Variants in GRM8 observed in about 807,000 individuals in gnomAD.
GRM8 encodes the protein glutamate metabotropic receptor 8.
In GRM8, 47 loss-of-function variants were observed where a neutral mutation model predicts 87.2. The ratio of observed to expected loss-of-function variants is 0.54; its 90% CI spans 0.43 to 0.69. The LOEUF (loss-of-function observed/expected upper bound fraction) is 0.69, where lower values mean the gene tolerates loss of function less well. Among genes scored for constraint, GRM8 ranks in the 30% least tolerant of loss-of-function variants. The pLI is 0.00. For synonymous variants in GRM8, 396 were observed against 404.5 expected (o/e 0.98, Z 0.25); for missense variants, 1,019 against 1,139.2 (o/e 0.89, Z 1.52).
intron 3 of GRM8, among the ~76,000 whole-genome samples, chr7:127,091,260 C>T (rs1296914482): frequency 2.0e-5 from 3 of 152,006 alleles, no homozygotes; most frequent in Non-Finnish European, 2.9e-5. Flanking sequence ...CACAGCAGGA[C>T]AATTCCTGTC....
At chr7:126,854,931 T>TG (rs932268937) in intron 6 of GRM8, among the ~76,000 whole-genome samples, 2 of 152,184 alleles carry the variant, frequency 1.3e-5, no homozygotes, top group African/African-American at 4.8e-5. Flanking sequence ...TTCTTTCTCT[T>TG]GTCTGATTGC....
Position 126,811,688 on chromosome 7 carries a change from T to C in GRM8, c.1157-41623A>G, listed in dbSNP as rs1014019385. On this transcript the variant is annotated intron_variant, in intron 6 of 10. Transcript: ENST00000339582. ...TAGATGATTATTGGTGTATACAAAGTTTACTTATTTTTATTTGTTGATTTT... is the reference window on the plus strand; with the variant it reads ...TAGATGATTATTGGTGTATACAAAGCTTACTTATTTTTATTTGTTGATTTT... Among the ~76,000 whole-genome samples, 12 of 152,104 alleles carry C rather than the reference T, an allele frequency of 7.9e-5. 1 individual carries two copies. Among genetic ancestry groups the C allele is most frequent in the African/African-American group, 2.4e-4 (10 of 41,520 alleles).
At chr7:126,965,457 C>A (rs1011527009) in intron 3 of GRM8, among the ~76,000 whole-genome samples, 8 of 152,204 alleles carry the variant, frequency 5.3e-5, no homozygotes, top group Admixed American at 3.3e-4. Flanking sequence ...TCTGCAATAG[C>A]AATCTGATAC....
chr7:127,134,737 CAA>C (rs1410748016), intron 2 of GRM8, among the ~76,000 whole-genome samples: 1 of 151,912 alleles, frequency 6.6e-6, no homozygotes, highest in African/African-American at 2.4e-5. Flanking sequence ...TTCTTATATA[CAA>C]AAAAAGTTAA....
intron 2 of GRM8, among the ~76,000 whole-genome samples, chr7:127,198,102 G>A (rs1795388747): frequency 6.6e-6 from 1 of 151,882 alleles, no homozygotes; most frequent in South Asian, 2.1e-4. Context: ...TGATATAATT[G>A]TACAAATTTG....
intron 7 of GRM8, among the ~76,000 whole-genome samples, chr7:126,676,885 A>G (rs1458742729): frequency 6.6e-6 from 1 of 152,180 alleles, no homozygotes; most frequent in Non-Finnish European, 1.5e-5. Context: ...AATTAAACTA[A>G]ACAGCTTCTG....
At position 126,903,775 on chromosome 7, in the gene GRM8, G is replaced by GTATATATATA. The variant is rs544721638; in HGVS notation, c.1018+187_1018+196dup. ...TATGTGTATATATATATGTGTGTGT[G>GTATATATATA]TATATATATATATATATATATATAT... On this transcript the variant is annotated intron_variant, in intron 5 of 10. Transcript: ENST00000339582. Among the ~76,000 whole-genome samples, 27 of 87,670 alleles carry GTATATATATA rather than the reference G, an allele frequency of 3.1e-4. 2 individuals carry two copies. Among genetic ancestry groups the GTATATATATA allele is most frequent in the African/African-American group, 1.1e-3 (24 of 22,688 alleles). The allele number at this position is 87,670 out of a possible 152,430, so 57.5% of individuals were successfully genotyped here. A position where few individuals can be genotyped will look rare whatever the true frequency, so the allele number is the denominator to read the frequency against.
chr7:127,090,887 C>T (rs1241764348), intron 3 of GRM8: 5 of 152,352 alleles, frequency 3.3e-5, no homozygotes, highest in African/African-American at 1.2e-4. Context: ...TTCCTGATGT[C>T]CTGTCTCCAG....
rs541039198 is a variant in GRM8, at chr7:126,553,684, G to T, written c.1495-19797C>A. 2.0e-5 allele frequency among the ~76,000 whole-genome samples: 3 copies of T among 152,212 alleles called. No homozygotes were observed. The South Asian group carries it at 6.2e-4, about 32-fold the overall frequency. On this transcript the variant is annotated intron_variant, in intron 8 of 10. Coordinates refer to ENST00000339582, the MANE Select transcript of GRM8 (RefSeq NM_000845.3). ...TGGTAGTAATCTGAACTTAGACTCA[G>T]ATATTGAATGCTTAGAGGCTAACCT...
intron 2 of GRM8, among the ~76,000 whole-genome samples, chr7:127,139,618 C>T (rs1828146147): frequency 6.6e-6 from 1 of 152,076 alleles, no homozygotes; most frequent in African/African-American, 2.4e-5. Context: ...TCAAGATAAT[C>T]ATCAATCTCT....
intron 6 of GRM8, among the ~76,000 whole-genome samples, chr7:126,851,836 C>T (rs1200441666): frequency 6.6e-6 from 1 of 152,160 alleles, no homozygotes. Flanking sequence ...TTAGCACTTA[C>T]ATTACTCTCT....
chr7:126,985,987 G>A (rs1563382853), intron 3 of GRM8, among the ~76,000 whole-genome samples: 1 of 151,954 alleles, frequency 6.6e-6, no homozygotes, highest in Non-Finnish European at 1.5e-5. Context: ...TTTCATGAGG[G>A]TTAAATGTAT....
intron 3 of GRM8, among the ~76,000 whole-genome samples, chr7:127,005,370 C>G (rs1391228222): frequency 1.3e-5 from 2 of 151,242 alleles, no homozygotes; most frequent in Non-Finnish European, 3.0e-5. Flanking sequence ...ATGTCAATTC[C>G]CTGAAAACAC....
intron 2 of GRM8, among the ~76,000 whole-genome samples, chr7:127,139,469 T>C (rs1278976164): frequency 6.6e-6 from 1 of 152,136 alleles, no homozygotes; most frequent in Admixed American, 6.5e-5. Flanking sequence ...GCAAACTGCC[T>C]CATAATCAAG....
intron 2 of GRM8, among the ~76,000 whole-genome samples, chr7:127,148,174 A>G (rs1190704175): frequency 1.3e-5 from 2 of 152,004 alleles, no homozygotes; most frequent in South Asian, 2.1e-4. Flanking sequence ...AATGGGTGCA[A>G]CAGAGTCGAT....
chr7:126,948,766 C>T (rs976178397), intron 3 of GRM8, among the ~76,000 whole-genome samples: 2 of 152,290 alleles, frequency 1.3e-5, no homozygotes, highest in East Asian at 3.9e-4. Flanking sequence ...TGTAGACACT[C>T]GGGATTCTCA....
intron 6 of GRM8, among the ~76,000 whole-genome samples, chr7:126,856,131 TA>T (rs1797660414): frequency 6.6e-6 from 1 of 152,146 alleles, no homozygotes; most frequent in South Asian, 2.1e-4. Context: ...CTTTTTTTTT[TA>T]TTCCTGAACT....
chr7:127,094,086 T>C (rs1824414040), intron 3 of GRM8, among the ~76,000 whole-genome samples: 1 of 152,216 alleles, frequency 6.6e-6, no homozygotes, highest in South Asian at 2.1e-4. Flanking sequence ...TTAAGGCCTA[T>C]AAAAAATGAC....
At chr7:126,443,076 A>G (rs1042842115) in intron 10 of GRM8, among the ~76,000 whole-genome samples, 4 of 152,056 alleles carry the variant, frequency 2.6e-5, no homozygotes, top group African/African-American at 9.7e-5. Context: ...GCAACAGTAA[A>G]TTAATTTCCT....
Sources: gnomAD v4.1 joint callset for allele counts (sites outside exome capture counted in the v4.1 genomes callset) on GRCh38, gnomAD v4.1.1 for gene constraint, MANE v1.5 for transcripts, NCBI Gene and HGNC (gene_info 2026-07-23, HGNC 2026-07-21) for gene names.